The following SHROOM3 variants were observed in gnomAD, a reference collection of about 807,000 sequenced individuals.
The protein encoded by SHROOM3 is shroom family member 3, also known as protein Shroom3.
A neutral mutation model predicts 138.6 loss-of-function variants in SHROOM3; 47 were observed. The ratio of observed to expected loss-of-function variants is 0.34; its 90% CI spans 0.27 to 0.43. SHROOM3 has a LOEUF of 0.43. Among genes scored for constraint, SHROOM3 ranks in the 20% least tolerant of loss-of-function variants. The pLI is 1.00. For synonymous variants in SHROOM3, 1,062 were observed against 1,063.3 expected (o/e 1.00, Z 0.02); for missense variants, 2,491 against 2,596.5 (o/e 0.96, Z 0.88).
At chr4:76,495,805 G>A (rs772494899) in intron 1 of SHROOM3, among the ~76,000 whole-genome samples, 1 of 152,214 alleles carries the variant, frequency 6.6e-6, no homozygotes, top group Non-Finnish European at 1.5e-5. Context: ...ACTACCATAT[G>A]TGTATGGCAC....
At chr4:76,732,617 A>T (rs945664912) in intron 4 of SHROOM3, among the ~76,000 whole-genome samples, 2 of 152,218 alleles carry the variant, frequency 1.3e-5, no homozygotes, top group Non-Finnish European at 2.9e-5. Context: ...GTTTCCTAGC[A>T]GTGTCTCCTG....
intron 2 of SHROOM3, among the ~76,000 whole-genome samples, chr4:76,558,965 G>T (rs1577884801): frequency 6.6e-6 from 1 of 152,150 alleles, no homozygotes; most frequent in East Asian, 1.9e-4. Context: ...GGGCCCCAGG[G>T]AATCATGCTG....
intron 3 of SHROOM3, among the ~76,000 whole-genome samples, chr4:76,728,836 AG>A (rs975483145): frequency 6.6e-6 from 1 of 152,136 alleles, no homozygotes; most frequent in Non-Finnish European, 1.5e-5. Flanking sequence ...GGTAAGTCTC[AG>A]GCCAGGCTCT....
intron 2 of SHROOM3, among the ~76,000 whole-genome samples, chr4:76,569,247 CA>C (rs1476783619): frequency 1.3e-5 from 2 of 152,034 alleles, no homozygotes; most frequent in African/African-American, 2.4e-5. Context: ...TCCAATTTGT[CA>C]GGGGGGGAAA....
At chr4:76,451,635 T>C (rs1730927634) in intron 1 of SHROOM3, among the ~76,000 whole-genome samples, 1 of 152,208 alleles carries the variant, frequency 6.6e-6, no homozygotes, top group South Asian at 2.1e-4. Context: ...TATATGCATT[T>C]GTCAAAAACT....
chr4:76,555,821 C>G, intron 2 of SHROOM3, 58 bp downstream of exon 2: 1 of 1,574,698 alleles, frequency 6.4e-7, no homozygotes, highest in Non-Finnish European at 8.6e-7. Flanking sequence ...TCTCTCCCTA[C>G]CCTACCCCAC....
intron 2 of SHROOM3, among the ~76,000 whole-genome samples, chr4:76,557,537 A>AG (rs1186946438): frequency 7.9e-5 from 12 of 152,146 alleles, no homozygotes; most frequent in Non-Finnish European, 5.9e-5. Flanking sequence ...TGGGGACCTA[A>AG]GGTAAAACAT....
chr4:76,568,635 C>T (rs1009840081), intron 2 of SHROOM3, among the ~76,000 whole-genome samples: 4 of 152,146 alleles, frequency 2.6e-5, no homozygotes, highest in South Asian at 2.1e-4. Context: ...AGCCCTTGTT[C>T]GGGAGTGAGG....
rs137953793 is a variant in SHROOM3, at chr4:76,656,164, G to C, written c.324-53992G>C. Among the ~76,000 whole-genome samples, 299 of 152,180 alleles carry C rather than the reference G, an allele frequency of 2.0e-3. 2 individuals carry two copies. Among genetic ancestry groups the C allele is most frequent in the South Asian group, 3.7e-3 (18 of 4,812 alleles). On this transcript the variant is annotated intron_variant, in intron 2 of 10. Transcript: ENST00000296043. ...GCTCCTGCTTCATTTCCAACTATAAGGAAACTCATGGAAGTATTTTTAGTG... is the reference window on the plus strand; with the variant it reads ...GCTCCTGCTTCATTTCCAACTATAACGAAACTCATGGAAGTATTTTTAGTG...
At chr4:76,680,570 C>A (rs1166953196) in intron 2 of SHROOM3, among the ~76,000 whole-genome samples, 4 of 152,216 alleles carry the variant, frequency 2.6e-5, no homozygotes, top group Non-Finnish European at 5.9e-5. Context: ...TCGTCACTCA[C>A]CCCCATACAT....
chr4:76,588,533 G>C (rs1451854627), intron 2 of SHROOM3, among the ~76,000 whole-genome samples: 2 of 152,052 alleles, frequency 1.3e-5, no homozygotes, highest in East Asian at 3.9e-4. Context: ...TGCTTGGAAG[G>C]TTCAGCTCTG....
chr4:76,718,801 C>G (rs1577993466), intron 3 of SHROOM3, among the ~76,000 whole-genome samples: 1 of 152,022 alleles, frequency 6.6e-6, no homozygotes, highest in East Asian at 1.9e-4. Flanking sequence ...CACACAAATG[C>G]AAAAAACACA....
At chr4:76,576,258 CA>C in intron 2 of SHROOM3, among the ~76,000 whole-genome samples, 1 of 152,234 alleles carries the variant, frequency 6.6e-6, no homozygotes. Flanking sequence ...AAGTGTCCAT[CA>C]ACAGATGAAT....
chr4:76,547,379 C>T (rs1733243996), intron 1 of SHROOM3, among the ~76,000 whole-genome samples: 2 of 151,978 alleles, frequency 1.3e-5, no homozygotes, highest in Non-Finnish European at 2.9e-5. Flanking sequence ...TATAAAAATA[C>T]AATTATAATA....
At position 76,740,401 on chromosome 4, in the gene SHROOM3, A is replaced by G. The variant is rs765804639; in HGVS notation, c.2228A>G (p.Glu743Gly). 12 of 1,613,040 alleles carry G rather than the reference A, an allele frequency of 7.4e-6. No homozygotes were observed. The East Asian group carries it at 2.7e-4, about 36-fold the overall frequency. Residue 743 changes from glutamate (E) to glycine (G), a missense_variant, in exon 5 of 11, where the codon GAA becomes GGA. By Grantham distance (98) the Glu-to-Gly change is moderately conservative (BLOSUM62 -2). Around this residue, in one of 4 missense-constraint regions of SHROOM3, gnomAD observed 1,733 missense variants for 1,661.6 expected, o/e 1.04. Transcript: ENST00000296043. The surrounding 1 kb of genome is among the most constrained non-coding windows in gnomAD (Gnocchi z 4.0). Reference sequence around the variant, plus strand: ...TTCAACAGCACAGACCCAAGTCCCGAAGAGCCGCCTGCCCCCTCGCACCCG... The same window carrying G: ...TTCAACAGCACAGACCCAAGTCCCGGAGAGCCGCCTGCCCCCTCGCACCCG... ...ASFNSTDPSPEEPPAPSHPHT... is the reference protein window; with the variant it reads ...ASFNSTDPSPGEPPAPSHPHT...
At chr4:76,503,280 T>A (rs961077178) in intron 1 of SHROOM3, among the ~76,000 whole-genome samples, 3 of 152,140 alleles carry the variant, frequency 2.0e-5, no homozygotes, top group Admixed American at 6.5e-5. Context: ...ATGAACGTTA[T>A]GTTTAGGTCT....
chr4:76,755,254 C>T, intron 7 of SHROOM3, 62 bp downstream of exon 7: 1 of 1,573,362 alleles, frequency 6.4e-7, no homozygotes, highest in Non-Finnish European at 8.7e-7. Context: ...CCCAGGTGGC[C>T]CAGGTCCTTC....
In SHROOM3 at chr4:76,462,105, T is replaced by G. The variant is rs900175383; in HGVS notation, c.168+25885T>G. Among the ~76,000 whole-genome samples, 4 of 152,136 alleles carry G rather than the reference T, an allele frequency of 2.6e-5. No homozygotes were observed. In the East Asian group the frequency reaches 5.8e-4, roughly 22 times the overall value. On this transcript the variant is annotated intron_variant, in intron 1 of 10. Coordinates refer to ENST00000296043, the MANE Select transcript of SHROOM3 (RefSeq NM_020859.4). ...GAAATTAGATCATTTTTAAAGCATGTTGGCTGGGCACAGTGGCTCACACCT... is the reference window on the plus strand; with the variant it reads ...GAAATTAGATCATTTTTAAAGCATGGTGGCTGGGCACAGTGGCTCACACCT...
chr4:76,573,958 GACCTAC>G (rs899056430), intron 2 of SHROOM3, among the ~76,000 whole-genome samples: 19 of 152,276 alleles, frequency 1.2e-4, no homozygotes, highest in African/African-American at 4.3e-4. Context: ...AGCCAGGCCA[GACCTAC>G]TCCAGTGACC....
Sources: gnomAD v4.1 joint callset for allele counts (sites outside exome capture counted in the v4.1 genomes callset) on GRCh38, gnomAD v4.1.1 for gene constraint, gnomAD v4.1.1 regional missense constraint, Gnocchi (gnomAD v3.1) non-coding constraint, MANE v1.5 for transcripts, NCBI Gene and HGNC (gene_info 2026-07-23, HGNC 2026-07-21) for gene names.